LRMDA: variants seen among roughly 807,000 people sequenced by gnomAD.
The protein encoded by LRMDA is leucine-rich melanocyte differentiation-associated protein.
A neutral mutation model predicts 29.8 loss-of-function variants in LRMDA; 18 were observed. That is an observed-to-expected ratio of 0.60 (90% CI 0.42 to 0.90). The LOEUF (loss-of-function observed/expected upper bound fraction) is 0.90. Ranked by LOEUF, LRMDA falls within the 40% of genes least tolerant of loss-of-function variation. The pLI, the probability that LRMDA is intolerant of heterozygous loss-of-function variation, is 0.00. For missense variants in LRMDA, 273 were observed against 273.9 expected, an observed-to-expected ratio of 1.00 and a Z score of 0.02; for synonymous variants, 125 against 109.4, an observed-to-expected ratio of 1.14 and a Z score of -0.89.
intron 6 of LRMDA, among the ~76,000 whole-genome samples, chr10:76,461,451 G>A (rs1842510960): frequency 6.6e-6 from 1 of 152,192 alleles, no homozygotes; most frequent in African/African-American, 2.4e-5. Context: ...GGTGCCTTTA[G>A]TGCATTGCTT....
intron 2 of LRMDA, among the ~76,000 whole-genome samples, chr10:75,496,757 CT>C (rs1845048873): frequency 6.6e-6 from 1 of 152,110 alleles, no homozygotes; most frequent in Non-Finnish European, 1.5e-5. Context: ...TACTTTGAGC[CT>C]TTCTGGGCCA....
intron 3 of LRMDA, among the ~76,000 whole-genome samples, chr10:76,042,662 T>C (rs1235414807): frequency 1.3e-5 from 2 of 152,234 alleles, no homozygotes; most frequent in Admixed American, 6.5e-5. Context: ...CAATCTTTAT[T>C]GAAGATATGC....
intron 6 of LRMDA, among the ~76,000 whole-genome samples, chr10:76,444,503 C>T (rs554478714): frequency 6.6e-6 from 1 of 152,310 alleles, no homozygotes; most frequent in Admixed American, 6.5e-5. Flanking sequence ...TTTAAAAGTG[C>T]ATCAGTAACT....
intron 2 of LRMDA, among the ~76,000 whole-genome samples, chr10:75,519,537 A>C (rs1353926989): frequency 6.6e-6 from 1 of 152,018 alleles, no homozygotes; most frequent in African/African-American, 2.4e-5. Flanking sequence ...TGCTTGGTAG[A>C]TCTTCCTCCA....
intron 2 of LRMDA, among the ~76,000 whole-genome samples, chr10:75,505,209 T>C (rs1355337533): frequency 6.6e-6 from 1 of 152,190 alleles, no homozygotes; most frequent in Non-Finnish European, 1.5e-5. Flanking sequence ...TCAGTCCAAG[T>C]GTAAGCACTC....
intron 5 of LRMDA, among the ~76,000 whole-genome samples, chr10:76,074,904 G>A (rs2132073012): frequency 6.6e-6 from 1 of 152,318 alleles, no homozygotes; most frequent in Non-Finnish European, 1.5e-5. Context: ...CCTTGATGGA[G>A]AGTGAGGAGT....
intron 6 of LRMDA, among the ~76,000 whole-genome samples, chr10:76,397,052 TC>T (rs1357888644): frequency 6.6e-6 from 1 of 152,060 alleles, no homozygotes; most frequent in Non-Finnish European, 1.5e-5. Context: ...TAGAGACACG[TC>T]CCCTCCCTTG....
At chr10:76,302,013 G>A (rs905377366) in intron 5 of LRMDA, among the ~76,000 whole-genome samples, 2 of 152,180 alleles carry the variant, frequency 1.3e-5, no homozygotes, top group Non-Finnish European at 2.9e-5. Flanking sequence ...CTGGAGTAAA[G>A]TATCTGCATA....
At chr10:75,474,741 C>T (rs1243696697) in intron 2 of LRMDA, among the ~76,000 whole-genome samples, 3 of 152,278 alleles carry the variant, frequency 2.0e-5, no homozygotes, top group East Asian at 3.9e-4. Flanking sequence ...TGTATTGTGT[C>T]CTATTTCTTG....
intron 5 of LRMDA, among the ~76,000 whole-genome samples, chr10:76,223,227 T>G (rs1851881818): frequency 6.6e-6 from 1 of 152,096 alleles, no homozygotes; most frequent in East Asian, 1.9e-4. Flanking sequence ...GTAGCTAACC[T>G]GCACATTGTG....
chr10:75,707,648 C>T (rs967219121), intron 2 of LRMDA, among the ~76,000 whole-genome samples: 5 of 152,142 alleles, frequency 3.3e-5, no homozygotes, highest in African/African-American at 9.7e-5. Context: ...CTGGAATTCC[C>T]ACATGGGGAG....
chr10:75,985,631 C>G (rs1847250216), intron 2 of LRMDA, among the ~76,000 whole-genome samples: 1 of 152,214 alleles, frequency 6.6e-6, no homozygotes, highest in Non-Finnish European at 1.5e-5. Flanking sequence ...ACATACCCAC[C>G]AACCTCAGCA....
rs143463038 is a variant in LRMDA at position 75,940,769 on chromosome 10, G to GGT, written c.132-95225_132-95224dup. ...AGAGAAAAGCTAGGGAAATTTATGGGGTGTGTGTGTGTGTGCGCGCGCGTG... is the reference window on the plus strand; with the variant it reads ...AGAGAAAAGCTAGGGAAATTTATGGGGTGTGTGTGTGTGTGTGCGCGCGCGTG... On this transcript the variant is annotated intron_variant, in intron 2 of 6. Transcript: ENST00000611255. 5.4e-3 allele frequency among the ~76,000 whole-genome samples: 826 copies of GGT among 151,584 alleles called. 8 individuals are homozygous for GGT. Among genetic ancestry groups the GGT allele is most frequent in the African/African-American group, 0.019 (780 of 41,338 alleles).
intron 2 of LRMDA, among the ~76,000 whole-genome samples, chr10:75,546,425 C>T (rs1183974304): frequency 6.6e-6 from 1 of 152,054 alleles, no homozygotes; most frequent in Non-Finnish European, 1.5e-5. Context: ...CTATTGATCC[C>T]AATTGTATTT....
At chr10:75,511,165 A>G (rs550482778) in intron 2 of LRMDA, among the ~76,000 whole-genome samples, 2 of 152,184 alleles carry the variant, frequency 1.3e-5, no homozygotes, top group South Asian at 4.2e-4. Context: ...TCATCTCTAC[A>G]AAACAAAAAC....
intron 2 of LRMDA, among the ~76,000 whole-genome samples, chr10:75,655,799 A>G (rs1013376008): frequency 2.6e-5 from 4 of 152,162 alleles, no homozygotes; most frequent in Non-Finnish European, 5.9e-5. Flanking sequence ...CAGATGTTTC[A>G]TGTACTGGTC....
At position 75,473,613 on chromosome 10, in the gene LRMDA, C is replaced by T. The variant is rs371993464; in HGVS notation, c.131+35119C>T. On this transcript the variant is annotated intron_variant, in intron 2 of 6. Transcript: ENST00000611255. ...AGGCAGACTGCTCAGGTTCAAATCT[C>T]AGCTCCATGGATGTTTGTTACCATG... Among the ~76,000 whole-genome samples, 4 of 152,318 alleles carry T rather than the reference C, an allele frequency of 2.6e-5. No individual in the cohort carries two copies. In the East Asian group the frequency reaches 5.8e-4, roughly 22 times the overall value.
intron 2 of LRMDA, among the ~76,000 whole-genome samples, chr10:75,651,123 G>A (rs1841594129): frequency 6.6e-6 from 1 of 151,992 alleles, no homozygotes; most frequent in African/African-American, 2.4e-5. Context: ...CTTCTTTCTT[G>A]CCTTGTGTAT....
intron 2 of LRMDA, among the ~76,000 whole-genome samples, chr10:75,699,439 T>G (rs971989858): frequency 6.6e-6 from 1 of 152,220 alleles, no homozygotes; most frequent in African/African-American, 2.4e-5. Flanking sequence ...TTATCTCTGC[T>G]TACTTTAAAT....
Sources: allele counts gnomAD v4.1 joint callset (sites outside exome capture counted in the v4.1 genomes callset), GRCh38; gene constraint gnomAD v4.1.1; transcripts MANE v1.5; gene names NCBI Gene and HGNC (gene_info 2026-07-23, HGNC 2026-07-21).